Variants in CCDC33 observed in about 807,000 individuals in gnomAD.
CCDC33 encodes coiled-coil domain-containing protein 33.
A neutral mutation model predicts 91.9 loss-of-function variants in CCDC33; 94 were observed. The ratio of observed to expected loss-of-function variants is 1.02; its 90% confidence interval spans 0.87 to 1.21. CCDC33 has a LOEUF of 1.21. CCDC33 is among the 50% of genes most tolerant of loss of function. The pLI, the probability that CCDC33 is intolerant of heterozygous loss-of-function variation, is 0.00. For missense variants in CCDC33, 940 were observed against 935.5 expected, an observed-to-expected ratio of 1.00 and a Z score of -0.06; for synonymous variants, 396 against 374.5, an observed-to-expected ratio of 1.06 and a Z score of -0.66.
Position 74,218,968 on chromosome 15 carries a change from C to T in CCDC33, c.675+107C>T, listed in dbSNP as rs1466128833. On this transcript the variant is annotated intron_variant, in intron 2 of 2. Transcript: ENST00000635913. This position sits in a 1 kb window ranked among gnomAD's most constrained non-coding sequence, Gnocchi z 4.8. ...CTGTCCTGAGCTGAGCTGAGCAGAG[C>T]AGCAGAGCTCCCAAGGCTGCCATGT... The T allele has an allele frequency of 1.8e-6, 2 of 1,102,880 alleles. No homozygotes were observed. Among genetic ancestry groups the T allele is most frequent in the Non-Finnish European group, 2.3e-6 (2 of 867,292 alleles). The allele number at this position is 1,102,880 out of a possible 1,614,324, so 68.3% of individuals were successfully genotyped here. A position where few individuals can be genotyped will look rare whatever the true frequency, so the allele number is the denominator to read the frequency against.
chr15:74,318,647 G>A (rs1199380745), intron 11 of CCDC33: 3 of 769,926 alleles, frequency 3.9e-6, no homozygotes, highest in East Asian at 2.5e-5. Context: ...AGGCCTCATT[G>A]ACAGCTTCTC....
At chr15:74,263,414 C>T (rs1440491044) in intron 3 of CCDC33, among the ~76,000 whole-genome samples, 1 of 152,192 alleles carries the variant, frequency 6.6e-6, no homozygotes, top group Non-Finnish European at 1.5e-5. Context: ...GCCTCTCCCC[C>T]TTGAAATCTT....
chr15:74,266,766 C>T lies in CCDC33; in HGVS notation c.408C>T (p.Pro136=). 6.2e-7 allele frequency: 1 copy of T among 1,614,004 alleles called. No homozygotes were observed. The part of the protein sequence containing the change: ...IPIKYLRVFH[P]YHFELVKPTE... ...TCAAGTACCTGCGTGTCTTCCACCC[C>T]TACCACTTTGAGCTGGTGAAGGTGA... is the stretch of plus-strand genomic sequence containing the variant. Residue 136 remains proline (P), a synonymous_variant, in exon 4 of 19, where the codon CCC becomes CCT. Coordinates refer to ENST00000398814, the MANE Select transcript of CCDC33 (RefSeq NM_025055.5).
intron 2 of CCDC33, among the ~76,000 whole-genome samples, chr15:74,250,035 T>C (rs999270373): frequency 6.6e-6 from 1 of 152,162 alleles, no homozygotes; most frequent in Non-Finnish European, 1.5e-5. Context: ...TCTTTTTCCA[T>C]GTGATCCCAC....
intron 11 of CCDC33, among the ~76,000 whole-genome samples, chr15:74,320,737 C>T (rs958566807): frequency 1.3e-5 from 2 of 152,216 alleles, no homozygotes; most frequent in African/African-American, 2.4e-5. Flanking sequence ...CCTAACCCTG[C>T]CCTCTGTGTC....
intron 2 of CCDC33, among the ~76,000 whole-genome samples, chr15:74,225,031 C>G (rs935298390): frequency 6.6e-6 from 1 of 152,094 alleles, no homozygotes; most frequent in Non-Finnish European, 1.5e-5. Context: ...TGTAACCGAA[C>G]ACACCAGATG....
chr15:74,263,874 G>A (rs1183393105), intron 3 of CCDC33, among the ~76,000 whole-genome samples: 1 of 152,196 alleles, frequency 6.6e-6, no homozygotes, highest in Admixed American at 6.5e-5. Flanking sequence ...CAGTGCACAA[G>A]TATGTATAGA....
intron 15 of CCDC33, 65 bp from the exon 16 acceptor site, chr15:74,332,614 G>A: frequency 6.4e-7 from 1 of 1,570,300 alleles, no homozygotes; most frequent in Admixed American, 1.7e-5. Flanking sequence ...TGCTGGAGCA[G>A]ATCAGGACAG....
intron 11 of CCDC33, among the ~76,000 whole-genome samples, chr15:74,317,932 A>G (rs2060125745): frequency 7.7e-6 from 1 of 129,688 alleles, no homozygotes; most frequent in African/African-American, 2.9e-5. Context: ...AGTTTCTTTC[A>G]AAAACATCCA....
intron 11 of CCDC33, among the ~76,000 whole-genome samples, chr15:74,305,923 G>A (rs971698903): frequency 5.9e-5 from 9 of 152,034 alleles, no homozygotes; most frequent in Admixed American, 5.2e-4. Flanking sequence ...TTAAGTAGAG[G>A]AAATACTCTC....
chr15:74,292,235 G>C (rs746841628), intron 10 of CCDC33, among the ~76,000 whole-genome samples: 4 of 152,192 alleles, frequency 2.6e-5, no homozygotes, highest in Non-Finnish European at 5.9e-5. Flanking sequence ...GGAGGAGTTA[G>C]TCTTGGGAGG....
chr15:74,209,236 G>GT (rs1308750404), intron 1 of CCDC33: 13 of 1,135,434 alleles, frequency 1.1e-5, no homozygotes, highest in Non-Finnish European at 1.6e-5. Flanking sequence ...CCCCCAAACC[G>GT]TTTGCTCGAA....
intron 2 of CCDC33, among the ~76,000 whole-genome samples, chr15:74,256,925 G>C (rs1276818945): frequency 6.6e-6 from 1 of 152,180 alleles, no homozygotes; most frequent in Non-Finnish European, 1.5e-5. Context: ...GGGTGGAGGA[G>C]CAGCATCCTT....
intron 2 of CCDC33, among the ~76,000 whole-genome samples, chr15:74,230,098 C>T (rs1250111045): frequency 1.3e-5 from 2 of 152,246 alleles, no homozygotes; most frequent in East Asian, 3.8e-4. Context: ...TGCTCCTTCA[C>T]AGGGACCACA....
Position 74,274,686 on chromosome 15 carries a change from T to C in CCDC33, c.759+1795T>C, listed in dbSNP as rs987128905. 2.6e-5 allele frequency among the ~76,000 whole-genome samples: 4 copies of C among 152,310 alleles called. No homozygotes were observed. In the East Asian group the frequency reaches 7.7e-4, roughly 29 times the overall value. On this transcript the variant is annotated intron_variant, in intron 7 of 18. Coordinates refer to ENST00000398814, the MANE Select transcript of CCDC33 (RefSeq NM_025055.5). Reference sequence around the variant, plus strand: ...AAATTAAGAACCAATCAGCAGGCTGTCCCAAGGGGCAAGAGGCACTGCCTG... The same window carrying C: ...AAATTAAGAACCAATCAGCAGGCTGCCCCAAGGGGCAAGAGGCACTGCCTG...
chr15:74,297,641 C>T (rs979081801), intron 11 of CCDC33, among the ~76,000 whole-genome samples: 6 of 152,134 alleles, frequency 3.9e-5, no homozygotes, highest in African/African-American at 1.4e-4. Flanking sequence ...TTGCAGTGAG[C>T]TATGATCGTG....
chr15:74,327,175 A>G (rs569638607), intron 11 of CCDC33, among the ~76,000 whole-genome samples: 1 of 152,012 alleles, frequency 6.6e-6, no homozygotes, highest in African/African-American at 2.4e-5. Context: ...GGGGAGGGGG[A>G]TAGGCACCTG....
At chr15:74,313,248 T>C (rs1273923662) in intron 11 of CCDC33, among the ~76,000 whole-genome samples, 2 of 152,036 alleles carry the variant, frequency 1.3e-5, no homozygotes, top group African/African-American at 2.4e-5. Flanking sequence ...CCCACCCAGA[T>C]AACTGAGAAA....
At chr15:74,333,331 C>A in intron 16 of CCDC33, 4 of 1,566,424 alleles carry the variant, frequency 2.6e-6, no homozygotes, top group East Asian at 4.7e-5. Context: ...AGGTGGGTGG[C>A]CCAGGGCCCA....
Sources: allele counts gnomAD v4.1 joint callset (sites outside exome capture counted in the v4.1 genomes callset), GRCh38; gene constraint gnomAD v4.1.1; non-coding constraint Gnocchi (gnomAD v3.1); transcripts MANE v1.5; gene names NCBI Gene and HGNC (gene_info 2026-07-23, HGNC 2026-07-21).